Variants in LARP1B observed in about 807,000 individuals in gnomAD.
LARP1B encodes the protein La ribonucleoprotein 1B.
Under a neutral mutation model 114.2 loss-of-function variants are expected in LARP1B, and 76 were observed. The observed-to-expected ratio is 0.67, with a 90% CI of 0.55 to 0.81. The LOEUF (loss-of-function observed/expected upper bound fraction) is 0.81, where lower values mean the gene tolerates loss of function less well. Among genes scored for constraint, LARP1B ranks in the 30% least tolerant of loss-of-function variants. LARP1B has a pLI of 0.00. For missense variants in LARP1B, 1,014 were observed against 1,075.8 expected (o/e 0.94, Z 0.80); for synonymous variants, 345 against 348.0 (o/e 0.99, Z 0.10).
chr4:128,156,027 G>A, intron 11 of LARP1B: 1 of 1,572,170 alleles, frequency 6.4e-7, no homozygotes, highest in Non-Finnish European at 8.6e-7. Flanking sequence ...TTGAACCTGC[G>A]GCACTGCACA....
At chr4:128,159,920 A>G (rs945591881) in intron 11 of LARP1B, among the ~76,000 whole-genome samples, 3 of 152,226 alleles carry the variant, frequency 2.0e-5, no homozygotes, top group Non-Finnish European at 4.4e-5. Context: ...AAACGTATTT[A>G]TAGGAATTTG....
At chr4:128,219,816 T>C (rs1489676175) in intron 6 of LARP1B, among the ~76,000 whole-genome samples, 1 of 151,622 alleles carries the variant, frequency 6.6e-6, no homozygotes, top group African/African-American at 2.4e-5. Context: ...AATAAATAAA[T>C]AAATAAATAA....
At chr4:128,079,986 C>A (rs2017277) in intron 4 of LARP1B, among the ~76,000 whole-genome samples, 33,531 of 144,226 alleles carry the variant, frequency 0.23, 4,047 homozygotes, top group Admixed American at 0.28. Context: ...TAAAATTTGT[C>A]TTTTTTTTTT....
chr4:128,061,944 C>T, intron 1 of LARP1B: 2 of 985,206 alleles, frequency 2.0e-6, no homozygotes, highest in Non-Finnish European at 2.4e-6. Flanking sequence ...CCCGTGAGGC[C>T]CCTGGCGCTG....
intron 11 of LARP1B, among the ~76,000 whole-genome samples, chr4:128,137,051 A>T (rs995877088): frequency 2.0e-5 from 3 of 152,232 alleles, no homozygotes; most frequent in African/African-American, 7.2e-5. Context: ...AACTAAAGTT[A>T]AAAAGTGCAG....
intron 11 of LARP1B, among the ~76,000 whole-genome samples, chr4:128,146,342 A>G (rs1730339971): frequency 6.6e-6 from 1 of 152,228 alleles, no homozygotes; most frequent in Non-Finnish European, 1.5e-5. Context: ...TATAGATCAA[A>G]TAAGAGAATG....
At position 128,162,201 on chromosome 4, in the gene LARP1B, T is replaced by G. The variant is rs368879586; in HGVS notation, c.1532T>G (p.Val511Gly). 6.2e-7 allele frequency: 1 copy of G among 1,612,142 alleles called. No individual in the cohort carries two copies. The highest frequency in any genetic ancestry group is 1.3e-5 in the African/African-American group (1 of 74,846). ...ENKHTAIKQE[V>G]ENFKKLNLIS... The stretch of plus-strand genomic sequence containing the variant: ...TCCTCCATTCTACTTCAGCAAGAAG[T>G]TGAGAACTTTAAGAAGCTAAATCTC... The change falls in exon 12 of 20, where the codon GTT (valine) becomes GGT (glycine). Residue 511 changes from valine to glycine, a missense_variant. Transcript: ENST00000326639.
rs535250589 is a variant in LARP1B, at chr4:128,145,068, C to T, written c.1525-17126C>T. ...TGTAGAGATTATAGATGTCATCTTCCTCTGAAGGATGTTGAGTTTTTTGTT... is the reference window on the plus strand; with the variant it reads ...TGTAGAGATTATAGATGTCATCTTCTTCTGAAGGATGTTGAGTTTTTTGTT... On this transcript the variant is annotated intron_variant, in intron 11 of 19. Coordinates refer to ENST00000326639, the MANE Select transcript of LARP1B (RefSeq NM_018078.4). Among the ~76,000 whole-genome samples the T allele has an allele frequency of 2.6e-5, 4 of 152,272 alleles. No homozygotes were observed. In the East Asian group the frequency reaches 7.7e-4, roughly 29 times the overall value.
At chr4:128,084,911 G>C (rs1772801871) in intron 5 of LARP1B, among the ~76,000 whole-genome samples, 1 of 151,992 alleles carries the variant, frequency 6.6e-6, no homozygotes, top group Admixed American at 6.6e-5. Context: ...GCCCAGGTTG[G>C]AGTGCAGTGG....
chr4:128,118,847 C>A lies in LARP1B; in HGVS notation c.1162-2979C>A, dbSNP rs77739144. On this transcript the variant is annotated intron_variant, in intron 10 of 19. Transcript: ENST00000326639. ...TGATCTAATCTGCTCATCTAGTGGG[C>A]TGTTTTGTTTAATGTGAGGTATGAT... Among the ~76,000 whole-genome samples the A allele has an allele frequency of 5.4e-3, 773 of 143,494 alleles. 1 individual carries two copies. The highest frequency in any genetic ancestry group is 0.014 in the Middle Eastern group (4 of 278). The allele number at this position is 143,494 out of a possible 152,430, so 94.1% of individuals were successfully genotyped here. A position where few individuals can be genotyped will look rare whatever the true frequency, so the allele number is the denominator to read the frequency against.
In LARP1B at chr4:128,184,026, A is replaced by G. The variant is rs969377652; in HGVS notation, c.2003+4514A>G. Among the ~76,000 whole-genome samples the G allele has an allele frequency of 6.6e-5, 10 of 152,226 alleles. 1 individual carries two copies. The highest frequency in any genetic ancestry group is 3.2e-3 in the Middle Eastern group (1 of 316). ...CTGAAAGGATGAGGAATTGCTTCTT[A>G]TGGACGAGCACAGAGAGTAGTTTCT... On this transcript the variant is annotated intron_variant, in intron 15 of 19. Coordinates refer to ENST00000326639, the MANE Select transcript of LARP1B (RefSeq NM_018078.4).
At chr4:128,114,991 G>GC (rs1319967898) in intron 10 of LARP1B, among the ~76,000 whole-genome samples, 2 of 151,602 alleles carry the variant, frequency 1.3e-5, no homozygotes, top group African/African-American at 4.9e-5. Context: ...AGGCTGGAGT[G>GC]CAGTGGCGCG....
intron 1 of LARP1B, among the ~76,000 whole-genome samples, chr4:128,065,328 TCTCTTTCC>T (rs1762302083): frequency 7.3e-6 from 1 of 136,876 alleles, no homozygotes; most frequent in Admixed American, 7.6e-5. Flanking sequence ...TCTCTCTCTC[TCTCTTTCC>T]TTTCTTTTCT....
chr4:128,196,230 G>A (rs1286026447), intron 15 of LARP1B, among the ~76,000 whole-genome samples: 2 of 134,618 alleles, frequency 1.5e-5, no homozygotes, highest in African/African-American at 2.8e-5. Context: ...CAGCCTGGGC[G>A]ACAGAGTGAG....
chr4:128,210,074 T>G lies in LARP1B; in HGVS notation c.*21T>G. ...ATTAAACAGTGCTGCCTGTGTCCTG[T>G]GGTCTCAAGAAATGGTGAAATGCCT... On this transcript the variant is annotated 3_prime_UTR_variant, in exon 20 of 20. Transcript: ENST00000326639. The G allele has an allele frequency of 6.2e-7, 1 of 1,613,554 alleles. No homozygotes were observed. The highest frequency in any genetic ancestry group is 8.5e-7 in the Non-Finnish European group (1 of 1,179,520).
chr4:128,101,798 C>G (rs1290148789), intron 8 of LARP1B, among the ~76,000 whole-genome samples: 2 of 152,124 alleles, frequency 1.3e-5, no homozygotes, highest in Non-Finnish European at 2.9e-5. Context: ...AGTTTATTAA[C>G]TGCTGCCATT....
intron 9 of LARP1B, chr4:128,108,704 G>T: frequency 1.0e-6 from 1 of 984,524 alleles, no homozygotes. Context: ...ATATAAGTTA[G>T]ATTTATTTAT....
chr4:128,185,466 G>T (rs1213421287), intron 15 of LARP1B, among the ~76,000 whole-genome samples: 2 of 150,598 alleles, frequency 1.3e-5, no homozygotes, highest in African/African-American at 4.9e-5. Flanking sequence ...CTGTTGTCCA[G>T]TTGATGTCTT....
At chr4:128,205,677 G>C (rs1278790644) in intron 17 of LARP1B, among the ~76,000 whole-genome samples, 1 of 102,970 alleles carries the variant, frequency 9.7e-6, no homozygotes, top group Non-Finnish European at 2.5e-5. Context: ...CTGGGATCTA[G>C]GGCACAGCCG....
Sources: gnomAD v4.1 joint callset for allele counts (sites outside exome capture counted in the v4.1 genomes callset) on GRCh38, gnomAD v4.1.1 for gene constraint, MANE v1.5 for transcripts, NCBI Gene and HGNC (gene_info 2026-07-23, HGNC 2026-07-21) for gene names.